RALYL: variants seen among roughly 807,000 people sequenced by gnomAD.
RALYL encodes the protein RALY RNA binding protein like.
A neutral mutation model predicts 35.1 loss-of-function variants in RALYL; 29 were observed. The ratio of observed to expected loss-of-function variants is 0.83; its 90% CI spans 0.61 to 1.13. RALYL has a LOEUF of 1.13. RALYL is among the 50% of genes most tolerant of loss of function. The probability of loss-of-function intolerance (pLI) is 0.00; values close to 1 mark genes in which losing one functional copy is unlikely to be tolerated. For synonymous variants in RALYL, 120 were observed against 127.6 expected (o/e 0.94, Z 0.40); for missense variants, 359 against 360.4 (o/e 1.00, Z 0.03).
At chr8:84,539,074 C>G (rs1430841477) in intron 2 of RALYL, among the ~76,000 whole-genome samples, 1 of 152,068 alleles carries the variant, frequency 6.6e-6, no homozygotes, top group Non-Finnish European at 1.5e-5. Context: ...ATATAGCTTG[C>G]AATGTTTGTG....
At chr8:84,556,088 G>A (rs959904860) in intron 2 of RALYL, among the ~76,000 whole-genome samples, 2 of 152,300 alleles carry the variant, frequency 1.3e-5, no homozygotes, top group African/African-American at 4.8e-5. Context: ...GGAACAGTGT[G>A]ACAAATGATA....
At chr8:84,441,834 C>T (rs1385608338) in intron 1 of RALYL, among the ~76,000 whole-genome samples, 1 of 152,090 alleles carries the variant, frequency 6.6e-6, no homozygotes, top group African/African-American at 2.4e-5. Flanking sequence ...AATTCCTCAT[C>T]CCACTGCCCA....
intron 1 of RALYL, among the ~76,000 whole-genome samples, chr8:84,288,165 T>G (rs1404772301): frequency 6.6e-6 from 1 of 152,046 alleles, no homozygotes; most frequent in Non-Finnish European, 1.5e-5. Context: ...CTCCTGTTTT[T>G]TTTTGTTTTG....
intron 2 of RALYL, among the ~76,000 whole-genome samples, chr8:84,674,597 A>T (rs1833850470): frequency 6.6e-6 from 1 of 152,122 alleles, no homozygotes; most frequent in Admixed American, 6.6e-5. Flanking sequence ...CAAGATGTAC[A>T]CTCTGGATGA....
At chr8:84,339,098 A>G (rs901989253) in intron 1 of RALYL, among the ~76,000 whole-genome samples, 2 of 152,056 alleles carry the variant, frequency 1.3e-5, no homozygotes, top group African/African-American at 4.8e-5. Flanking sequence ...ATTGGGGTCA[A>G]TGTTCTCAGT....
intron 4 of RALYL, among the ~76,000 whole-genome samples, chr8:84,830,509 C>CAA (rs1421820427): frequency 6.6e-6 from 1 of 151,880 alleles, no homozygotes; most frequent in Non-Finnish European, 1.5e-5. Flanking sequence ...TGCAGCAGGA[C>CAA]AATGGAATGC....
intron 4 of RALYL, among the ~76,000 whole-genome samples, chr8:84,816,731 A>G (rs149157565): frequency 6.6e-6 from 1 of 152,138 alleles, no homozygotes; most frequent in African/African-American, 2.4e-5. Context: ...ATAATAACAT[A>G]ATTGTACATC....
intron 2 of RALYL, among the ~76,000 whole-genome samples, chr8:84,770,767 G>A (rs1263490300): frequency 6.6e-6 from 1 of 152,084 alleles, no homozygotes; most frequent in East Asian, 1.9e-4. Flanking sequence ...GTATAGCACC[G>A]TGGTTTTGAT....
intron 8 of RALYL, among the ~76,000 whole-genome samples, chr8:84,890,565 C>T (rs79290280): frequency 0.05 from 7,627 of 152,116 alleles, 618 homozygotes; most frequent in African/African-American, 0.17. Context: ...TTTGTAAAAA[C>T]GCAGATTCTT....
chr8:84,867,613 A>T (rs1246245976), intron 6 of RALYL, among the ~76,000 whole-genome samples: 1 of 152,208 alleles, frequency 6.6e-6, no homozygotes, highest in Non-Finnish European at 1.5e-5. Context: ...TGTATTTTCA[A>T]GCTATGTGAT....
chr8:84,913,509 T>C (rs996958006), intron 8 of RALYL, among the ~76,000 whole-genome samples: 1 of 152,070 alleles, frequency 6.6e-6, no homozygotes, highest in Non-Finnish European at 1.5e-5. Context: ...CTAAATTCTA[T>C]ATTCTCATAT....
intron 1 of RALYL, among the ~76,000 whole-genome samples, chr8:84,480,929 A>C (rs1448331340): frequency 6.6e-6 from 1 of 152,206 alleles, no homozygotes; most frequent in African/African-American, 2.4e-5. Context: ...AAAGTCTAAA[A>C]TAAATAGAAA....
At chr8:84,685,258 TTTGA>T (rs756246501) in intron 2 of RALYL, among the ~76,000 whole-genome samples, 10 of 152,206 alleles carry the variant, frequency 6.6e-5, no homozygotes, top group East Asian at 5.8e-4. Flanking sequence ...TGAATGGTCA[TTTGA>T]TTGATTGATT....
chr8:84,438,865 T>C (rs1371189184), intron 1 of RALYL, among the ~76,000 whole-genome samples: 1 of 152,146 alleles, frequency 6.6e-6, no homozygotes, highest in African/African-American at 2.4e-5. Context: ...CTTGTTTTTG[T>C]CAGTTTCGTC....
intron 1 of RALYL, among the ~76,000 whole-genome samples, chr8:84,339,200 CCTAGATGTA>C (rs1563756902): frequency 6.6e-6 from 1 of 151,984 alleles, no homozygotes. Context: ...CTGCATGTAA[CCTAGATGTA>C]CTAGAACAGG....
At chr8:84,313,691 C>T (rs530614528) in intron 1 of RALYL, among the ~76,000 whole-genome samples, 43 of 152,304 alleles carry the variant, frequency 2.8e-4, no homozygotes, top group South Asian at 6.2e-4. Flanking sequence ...TGCTTCACTT[C>T]CCAAGAAGTC....
At chr8:84,682,709 C>A (rs574004911) in intron 2 of RALYL, among the ~76,000 whole-genome samples, 4 of 152,158 alleles carry the variant, frequency 2.6e-5, no homozygotes, top group Admixed American at 1.3e-4. Context: ...GTTTTTATTG[C>A]GTCTTTTTGA....
At chr8:84,699,394 G>A (rs548604936) in intron 2 of RALYL, among the ~76,000 whole-genome samples, 4 of 152,030 alleles carry the variant, frequency 2.6e-5, no homozygotes, top group Admixed American at 6.6e-5. Flanking sequence ...GCCATACATT[G>A]GGTGGCTTAT....
chr8:84,554,700 A>G (rs1263497296), intron 2 of RALYL, among the ~76,000 whole-genome samples: 1 of 152,184 alleles, frequency 6.6e-6, no homozygotes, highest in Non-Finnish European at 1.5e-5. Context: ...ATCACAAACC[A>G]AATACCAATC....
Sources: allele counts gnomAD v4.1 joint callset (sites outside exome capture counted in the v4.1 genomes callset), GRCh38; gene constraint gnomAD v4.1.1; transcripts MANE v1.5; gene names NCBI Gene and HGNC (gene_info 2026-07-23, HGNC 2026-07-21).